Variants in BDNF observed in about 807,000 individuals in gnomAD.
BDNF encodes the protein neurotrophic factor BDNF precursor form.
BDNF carries 1 observed loss-of-function variant against 19.5 expected under a neutral mutation model. The observed-to-expected ratio is 0.05, with a 90% CI of 0.02 to 0.24. The LOEUF (loss-of-function observed/expected upper bound fraction) is 0.24. Ranked by LOEUF, BDNF falls within the 10% of genes least tolerant of loss-of-function variation. BDNF has a pLI of 1.00. For missense variants in BDNF, 195 were observed against 317.6 expected, an observed-to-expected ratio of 0.61 and a Z score of 2.93; for synonymous variants, 100 against 121.6, an observed-to-expected ratio of 0.82 and a Z score of 1.17.
At chr11:27,687,235 G>C (rs948069042) in intron 1 of BDNF, among the ~76,000 whole-genome samples, 2 of 152,026 alleles carry the variant, frequency 1.3e-5, no homozygotes, top group Non-Finnish European at 2.9e-5. Flanking sequence ...CAGAGTTCTC[G>C]TGCTGTGTTT....
chr11:27,699,737 G>A (rs1590459175), intron 1 of BDNF: 1 of 1,340,288 alleles, frequency 7.5e-7, no homozygotes, highest in Non-Finnish European at 9.6e-7. Context: ...AGTCGGCGCG[G>A]GGACCACCCA....
intron 1 of BDNF, among the ~76,000 whole-genome samples, chr11:27,687,249 AG>A (rs1282167708): frequency 2.0e-5 from 3 of 152,064 alleles, no homozygotes; most frequent in Non-Finnish European, 4.4e-5. Context: ...TGTGTTTTTC[AG>A]CTCCATTAGG....
chr11:27,669,455 G>C (rs1384876309), intron 1 of BDNF, among the ~76,000 whole-genome samples: 1 of 152,172 alleles, frequency 6.6e-6, no homozygotes, highest in African/African-American at 2.4e-5. Context: ...TAGGAAGAGA[G>C]GAAGTCAAAT....
At chr11:27,674,206 T>G (rs1564961173) in intron 1 of BDNF, 2 of 1,603,844 alleles carry the variant, frequency 1.2e-6, no homozygotes, top group Non-Finnish European at 1.7e-6. Context: ...TGCAACCCTT[T>G]CTGTAGAAAC....
intron 1 of BDNF, among the ~76,000 whole-genome samples, chr11:27,719,248 G>C (rs1172636025): frequency 1.3e-5 from 2 of 152,200 alleles, no homozygotes; most frequent in Non-Finnish European, 2.9e-5. Flanking sequence ...GCCCACCCGG[G>C]TGGCGGCGGC....
chr11:27,660,234 A>C, intron 1 of BDNF: 1 of 1,242,492 alleles, frequency 8.0e-7, no homozygotes, highest in Middle Eastern at 2.2e-4. Context: ...TTTTGTAAGA[A>C]ATAACATTTT....
intron 1 of BDNF, among the ~76,000 whole-genome samples, chr11:27,709,842 C>A (rs1172041978): frequency 6.6e-6 from 1 of 152,212 alleles, no homozygotes. Flanking sequence ...ACATTCAGAC[C>A]TTATCTCAGA....
rs963357399 is a variant in BDNF at position 27,657,229 on chromosome 11, A to AAAAAC, written c.*587_*591dup. On this transcript the variant is annotated 3_prime_UTR_variant, in exon 2 of 2. Coordinates refer to ENST00000356660, the MANE Select transcript of BDNF (RefSeq NM_001709.5). The surrounding 1 kb of genome is among the most constrained non-coding windows in gnomAD (Gnocchi z 5.0). The stretch of plus-strand genomic sequence containing the variant: ...CCATCTCTACTCCCTGTGGGAACTA[A>AAAAAC]AAAACAAAACAAACAAACGAAAAAA... 1 of 986,838 alleles carries AAAAAC rather than the reference A, an allele frequency of 1.0e-6. No homozygotes were observed. The highest frequency in any genetic ancestry group is 1.2e-6 in the Non-Finnish European group (1 of 830,310). 61.1% of individuals were successfully genotyped at this position (986,838 alleles called of 1,614,324 possible).
intron 1 of BDNF, among the ~76,000 whole-genome samples, chr11:27,668,826 C>T (rs1229046215): frequency 6.6e-6 from 1 of 152,094 alleles, no homozygotes; most frequent in African/African-American, 2.4e-5. Flanking sequence ...CTGAATTCTA[C>T]CAGAGGTATA....
At chr11:27,720,291 G>C (rs1860699520) in intron 1 of BDNF, 12 of 977,874 alleles carry the variant, frequency 1.2e-5, no homozygotes, top group Non-Finnish European at 1.5e-5. Flanking sequence ...CCGGAAGACA[G>C]TATCAAAATA....
At position 27,657,774 on chromosome 11, in the gene BDNF, A is replaced by G; in HGVS notation, c.*47T>C. ...TACCCTGTTATGTATATATACAAAT[A>G]GATAATTTTTGTCTCAATATAATCT... is the stretch of plus-strand genomic sequence containing the variant. On this transcript the variant is annotated 3_prime_UTR_variant, in exon 2 of 2. Coordinates refer to ENST00000356660, the MANE Select transcript of BDNF (RefSeq NM_001709.5). The surrounding 1 kb of genome is among the most constrained non-coding windows in gnomAD (Gnocchi z 5.0). 1.9e-6 allele frequency: 3 copies of G among 1,604,154 alleles called. No individual in the cohort carries two copies. The highest frequency in any genetic ancestry group is 2.6e-6 in the Non-Finnish European group (3 of 1,172,108).
chr11:27,705,642 T>C (rs557140286), intron 1 of BDNF, among the ~76,000 whole-genome samples: 3 of 152,238 alleles, frequency 2.0e-5, no homozygotes, highest in Non-Finnish European at 4.4e-5. Flanking sequence ...CAACTGGCCC[T>C]CTTTCTACCT....
intron 1 of BDNF, among the ~76,000 whole-genome samples, chr11:27,710,008 C>T (rs1860263083): frequency 6.6e-6 from 1 of 152,166 alleles, no homozygotes. Flanking sequence ...GTCTACCAGC[C>T]ATCATATTAC....
At chr11:27,659,249 A>C in intron 1 of BDNF, 1 of 990,472 alleles carries the variant, frequency 1.0e-6, no homozygotes, top group Non-Finnish European at 1.2e-6. Flanking sequence ...CAAAGGCCAT[A>C]GAAGACTTGC....
chr11:27,708,497 A>AT (rs888365202), intron 1 of BDNF, among the ~76,000 whole-genome samples: 101 of 151,580 alleles, frequency 6.7e-4, no homozygotes, highest in South Asian at 1.7e-3. Context: ...TTTTTTTCTA[A>AT]TTTTTTTTTA....
At chr11:27,660,012 C>A in intron 1 of BDNF, 1 of 256,684 alleles carries the variant, frequency 3.9e-6, no homozygotes, top group Non-Finnish European at 6.9e-6. Flanking sequence ...AGCCCTGACC[C>A]TAATTTTATT....
chr11:27,697,158 C>CAGAGAGAGAGAGAG (rs1198756508), intron 1 of BDNF, among the ~76,000 whole-genome samples: 381 of 113,590 alleles, frequency 3.4e-3, no homozygotes, highest in Middle Eastern at 0.012. Flanking sequence ...CACACACACA[C>CAGAGAGAGAGAGAG]ACACACAGAG....
At chr11:27,709,510 T>G (rs2134102484) in intron 1 of BDNF, among the ~76,000 whole-genome samples, 1 of 152,364 alleles carries the variant, frequency 6.6e-6, no homozygotes, top group Non-Finnish European at 1.5e-5. Flanking sequence ...AACATTAAAG[T>G]AACTAAAATC....
At chr11:27,677,888 T>A (rs1247110817) in intron 1 of BDNF, 1 of 152,210 alleles carries the variant, frequency 6.6e-6, no homozygotes, top group African/African-American at 2.4e-5. Context: ...TTACACCAGT[T>A]CCTTTGCTTG....
Sources: gnomAD v4.1 joint callset for allele counts (sites outside exome capture counted in the v4.1 genomes callset) on GRCh38, gnomAD v4.1.1 for gene constraint, Gnocchi (gnomAD v3.1) non-coding constraint, MANE v1.5 for transcripts, NCBI Gene and HGNC (gene_info 2026-07-23, HGNC 2026-07-21) for gene names.